Variants in PCDHGA2 observed in about 807,000 individuals in gnomAD.
The protein encoded by PCDHGA2 is protocadherin gamma-A2.
A neutral mutation model predicts 59.2 loss-of-function variants in PCDHGA2; 40 were observed. That is an observed-to-expected ratio of 0.68 (90% CI 0.52 to 0.88). PCDHGA2 has a LOEUF of 0.88. Among genes scored for constraint, PCDHGA2 ranks in the 40% least tolerant of loss-of-function variants. The pLI is 0.00. For missense variants in PCDHGA2, 1,226 were observed against 1,204.0 expected, an observed-to-expected ratio of 1.02 and a Z score of -0.27; for synonymous variants, 560 against 526.0, an observed-to-expected ratio of 1.06 and a Z score of -0.89.
At chr5:141,447,725 C>G (rs1009407606) in intron 1 of PCDHGA2, among the ~76,000 whole-genome samples, 4 of 152,174 alleles carry the variant, frequency 2.6e-5, no homozygotes, top group African/African-American at 9.7e-5. Context: ...TTTTCCAAAA[C>G]TCATTGAACT....
At position 141,512,644 on chromosome 5, in the gene PCDHGA2, G is replaced by T. The variant is rs1283774989; in HGVS notation, c.*1471G>T. Reference sequence around the variant, plus strand: ...ACCCCAGACCTGCCCTTACAGTAGTGTAGCGCCCCCTCCCTCTTTCGGCTG... The same window carrying T: ...ACCCCAGACCTGCCCTTACAGTAGTTTAGCGCCCCCTCCCTCTTTCGGCTG... On this transcript the variant is annotated 3_prime_UTR_variant, in exon 4 of 4. Coordinates refer to ENST00000394576, the MANE Select transcript of PCDHGA2 (RefSeq NM_018915.4). 1 of 152,528 alleles carries T rather than the reference G, an allele frequency of 6.6e-6. No individual in the cohort carries two copies. The allele number at this position is 152,528 out of a possible 1,614,324, so 9.4% of individuals were successfully genotyped here.
chr5:141,372,030 G>A (rs1561553995), intron 1 of PCDHGA2: 1 of 1,613,446 alleles, frequency 6.2e-7, no homozygotes, highest in East Asian at 2.2e-5. Flanking sequence ...CAGCGCCAAC[G>A]TGAGCCTGCG....
chr5:141,508,974 G>A (rs962653911), intron 3 of PCDHGA2, among the ~76,000 whole-genome samples: 2 of 152,128 alleles, frequency 1.3e-5, no homozygotes, highest in Non-Finnish European at 2.9e-5. Flanking sequence ...AAAGGGCTGG[G>A]GGTGGGGGCC....
intron 1 of PCDHGA2, among the ~76,000 whole-genome samples, chr5:141,483,889 CT>C (rs1298469461): frequency 6.6e-6 from 1 of 151,866 alleles, no homozygotes; most frequent in Admixed American, 6.6e-5. Flanking sequence ...TTCTATTTCT[CT>C]GAGCTCTGGT....
intron 1 of PCDHGA2, chr5:141,360,656 A>T: frequency 6.2e-7 from 1 of 1,613,586 alleles, no homozygotes; most frequent in Non-Finnish European, 8.5e-7. Flanking sequence ...CACCTTAATG[A>T]CAACGAGTAC....
chr5:141,360,300 G>A (rs746090550), intron 1 of PCDHGA2: 3 of 1,613,860 alleles, frequency 1.9e-6, no homozygotes, highest in East Asian at 2.2e-5. Flanking sequence ...AGGATCTGGG[G>A]CTCAGCGTCC....
chr5:141,470,379 A>G (rs1210709847), intron 1 of PCDHGA2, among the ~76,000 whole-genome samples: 1 of 152,086 alleles, frequency 6.6e-6, no homozygotes, highest in East Asian at 1.9e-4. Flanking sequence ...TGGAAAGACT[A>G]CTCGATGATA....
intron 1 of PCDHGA2, chr5:141,422,608 T>A: frequency 5.0e-6 from 8 of 1,613,956 alleles, no homozygotes; most frequent in Non-Finnish European, 5.1e-6. Context: ...TTACTCTGCC[T>A]ACATTCCCGA....
chr5:141,393,003 G>A (rs1202314944), intron 1 of PCDHGA2: 1 of 1,613,882 alleles, frequency 6.2e-7, no homozygotes, highest in East Asian at 2.2e-5. Flanking sequence ...GAAGCACGGA[G>A]TCCGTATCGT....
At position 141,339,907 on chromosome 5, in the gene PCDHGA2, T is replaced by C. The variant is rs1194568090; in HGVS notation, c.936T>C (p.Ala312=). ...TIIKDLDYED[A]TFHEIDIEAQ... ...TAAAAGATCTAGATTATGAGGATGCTACATTCCATGAAATTGATATTGAAG... is the reference window on the plus strand; with the variant it reads ...TAAAAGATCTAGATTATGAGGATGCCACATTCCATGAAATTGATATTGAAG... Residue 312 remains alanine, a synonymous_variant, in exon 1 of 4, where the codon GCT becomes GCC. Transcript: ENST00000394576. 2 of 1,614,142 alleles carry C rather than the reference T, an allele frequency of 1.2e-6. No homozygotes were observed. The highest frequency in any genetic ancestry group is 1.7e-6 in the Non-Finnish European group (2 of 1,180,008).
chr5:141,423,317 C>T, intron 1 of PCDHGA2: 4 of 1,614,118 alleles, frequency 2.5e-6, no homozygotes, highest in Non-Finnish European at 3.4e-6. Flanking sequence ...TTGGTGGTGG[C>T]GGTGGCCGCA....
At chr5:141,481,318 A>C (rs758947998) in intron 1 of PCDHGA2, among the ~76,000 whole-genome samples, 6 of 152,216 alleles carry the variant, frequency 3.9e-5, no homozygotes, top group Non-Finnish European at 8.8e-5. Context: ...TTCCTAAAGC[A>C]CTAGCCCCTG....
At position 141,489,876 on chromosome 5, in the gene PCDHGA2, T is replaced by C. The variant is rs2099693265; in HGVS notation, c.2425-4931T>C. ...CCCAGGCAAGACATCAGCTGGTGCT[T>C]ACTGCTGTGGATGGGGGGACCCCAG... On this transcript the variant is annotated intron_variant, in intron 1 of 3. Transcript: ENST00000394576. This position sits in a 1 kb window ranked among gnomAD's most constrained non-coding sequence, Gnocchi z 4.5. The C allele has an allele frequency of 6.2e-7, 1 of 1,614,098 alleles. No homozygotes were observed. The highest frequency in any genetic ancestry group is 1.1e-5 in the South Asian group (1 of 91,094).
intron 1 of PCDHGA2, among the ~76,000 whole-genome samples, chr5:141,407,447 G>A (rs1347838571): frequency 3.9e-5 from 6 of 152,260 alleles, no homozygotes; most frequent in African/African-American, 2.4e-5. Context: ...ACCAGAACAC[G>A]AGGCTCACCA....
In PCDHGA2 at chr5:141,491,667, G is replaced by C. The variant is rs746903142; in HGVS notation, c.2425-3140G>C. The C allele has an allele frequency of 3.7e-6, 6 of 1,613,678 alleles. No individual in the cohort carries two copies. The South Asian group carries it at 6.6e-5, about 18-fold the overall frequency. On this transcript the variant is annotated intron_variant, in intron 1 of 3. Transcript: ENST00000394576. This position sits in a 1 kb window ranked among gnomAD's most constrained non-coding sequence, Gnocchi z 6.9. Reference sequence around the variant, plus strand: ...TGGCGCTGGAGCCTGACGCCATCCGGTCCCGCTCTAATACGCTGCGGGAGC... The same window carrying C: ...TGGCGCTGGAGCCTGACGCCATCCGCTCCCGCTCTAATACGCTGCGGGAGC...
Position 141,486,239 on chromosome 5 carries a change from C to G in PCDHGA2, c.2425-8568C>G, listed in dbSNP as rs751510109. On this transcript the variant is annotated intron_variant, in intron 1 of 3. Transcript: ENST00000394576. The surrounding 1 kb of genome is among the most constrained non-coding windows in gnomAD (Gnocchi z 5.0). ...CCCTTACATCACAGTGACCTCAGAG[C>G]TTGGAACCCTCCCCGAGAGTGCAGA... 6.2e-7 allele frequency: 1 copy of G among 1,614,160 alleles called. No individual in the cohort carries two copies. Among genetic ancestry groups the G allele is most frequent in the Admixed American group, 1.7e-5 (1 of 60,020 alleles).
At chr5:141,375,806 G>A in intron 1 of PCDHGA2, 1 of 1,614,206 alleles carries the variant, frequency 6.2e-7, no homozygotes, top group Non-Finnish European at 8.5e-7. Context: ...TTCCACTGGC[G>A]TGGAGCTGGC....
intron 1 of PCDHGA2, among the ~76,000 whole-genome samples, chr5:141,461,711 C>A (rs897443905): frequency 1.3e-5 from 2 of 152,112 alleles, no homozygotes; most frequent in African/African-American, 2.4e-5. Flanking sequence ...ACTTTTTTTG[C>A]CCAGGCTGGA....
intron 1 of PCDHGA2, chr5:141,409,447 AC>A (rs779658060): frequency 1.4e-4 from 222 of 1,613,890 alleles, no homozygotes; most frequent in Non-Finnish European, 1.8e-4. Context: ...GAGAGCAGAC[AC>A]CAGAATACAA....
Sources: allele counts gnomAD v4.1 joint callset (sites outside exome capture counted in the v4.1 genomes callset), GRCh38; gene constraint gnomAD v4.1.1; non-coding constraint Gnocchi (gnomAD v3.1); transcripts MANE v1.5; gene names NCBI Gene and HGNC (gene_info 2026-07-23, HGNC 2026-07-21).